The following TRAPPC11 variants were observed in gnomAD, a reference collection of about 807,000 sequenced individuals.
TRAPPC11 encodes the protein foie gras homolog.
A neutral mutation model predicts 151.2 loss-of-function variants in TRAPPC11; 104 were observed. The ratio of observed to expected loss-of-function variants is 0.69; its 90% CI spans 0.59 to 0.81. The LOEUF (loss-of-function observed/expected upper bound fraction) is 0.81. TRAPPC11 is among the 30% of genes least tolerant of loss of function. The pLI is 0.00. For synonymous variants in TRAPPC11, 456 were observed against 472.3 expected (o/e 0.97, Z 0.45); for missense variants, 1,230 against 1,349.6 (o/e 0.91, Z 1.39).
chr4:183,684,009 G>C lies in TRAPPC11; in HGVS notation c.1242G>C (p.Val414=), dbSNP rs1209414783. The change falls in exon 12 of 30, where the codon GTG becomes GTC. Residue 414 remains valine, a synonymous_variant. Coordinates refer to ENST00000334690, the MANE Select transcript of TRAPPC11 (RefSeq NM_021942.6). ...FDLSDPEKEK[V]GILAIQLKER... is the part of the protein sequence containing the mutation. ...TTTCTGATCCTGAAAAAGAAAAGGT[G>C]GGAATTCTTGCCATTCAGCTGAAGG... 1 of 1,614,010 alleles carries C rather than the reference G, an allele frequency of 6.2e-7. No homozygotes were observed. Among genetic ancestry groups the C allele is most frequent in the East Asian group, 2.2e-5 (1 of 44,846 alleles).
chr4:183,666,402 G>T lies in TRAPPC11; in HGVS notation c.350G>T (p.Cys117Phe). The change falls in exon 3 of 30, where the codon TGC becomes TTC. Residue 117 changes from cysteine to phenylalanine, a missense_variant. By Grantham distance (205) the Cys-to-Phe change is radical. Transcript: ENST00000334690. Reference protein sequence around the residue: ...EPQWKEKQSECATRVEIVRQS... With the variant: ...EPQWKEKQSEFATRVEIVRQS... ...CAGTGGAAAGAAAAGCAGTCTGAGTGCGCCACCAGAGTGGAAATAGTCAGG... is the reference window on the plus strand; with the variant it reads ...CAGTGGAAAGAAAAGCAGTCTGAGTTCGCCACCAGAGTGGAAATAGTCAGG... 6.2e-7 allele frequency: 1 copy of T among 1,613,932 alleles called. No individual in the cohort carries two copies. The highest frequency in any genetic ancestry group is 8.5e-7 in the Non-Finnish European group (1 of 1,179,870).
rs6552700 is a variant in TRAPPC11, at chr4:183,704,799, T to C, written c.2964-180T>C. Among the ~76,000 whole-genome samples the C allele has an allele frequency of 0.28, 42,522 of 151,792 alleles. 6,667 individuals carry two copies. Among genetic ancestry groups the C allele is most frequent in the African/African-American group, 0.43 (17,808 of 41,374 alleles). ...CTGCACTCCAGTCTGGGCAACAGAGTGAGACTCTGTCTCAAAAAAATAATA... is the reference window on the plus strand; with the variant it reads ...CTGCACTCCAGTCTGGGCAACAGAGCGAGACTCTGTCTCAAAAAAATAATA... On this transcript the variant is annotated intron_variant, in intron 26 of 29. Coordinates refer to ENST00000334690, the MANE Select transcript of TRAPPC11 (RefSeq NM_021942.6).
chr4:183,704,562 C>T (rs1219582690), intron 26 of TRAPPC11, among the ~76,000 whole-genome samples: 1 of 151,246 alleles, frequency 6.6e-6, no homozygotes, highest in Non-Finnish European at 1.5e-5. Context: ...GCCTGTAATC[C>T]CAGCACTTTG....
At chr4:183,665,336 T>C (rs376188099) in intron 2 of TRAPPC11, among the ~76,000 whole-genome samples, 404 of 152,202 alleles carry the variant, frequency 2.7e-3, no homozygotes, top group Non-Finnish European at 4.6e-3. Context: ...CCTCGTGATC[T>C]GCCCACCTTG....
At chr4:183,673,686 A>G (rs933554878) in intron 5 of TRAPPC11, among the ~76,000 whole-genome samples, 1 of 152,214 alleles carries the variant, frequency 6.6e-6, no homozygotes, top group African/African-American at 2.4e-5. Context: ...AAATGAAATG[A>G]AATGAAATGA....
intron 29 of TRAPPC11, 44 bp from the exon 30 acceptor site, chr4:183,712,551 TTATTA>T (rs766176036): frequency 5.8e-6 from 9 of 1,557,588 alleles, no homozygotes; most frequent in African/African-American, 2.7e-5. Context: ...AGAGCTTTTG[TTATTA>T]TATTATAATT....
At chr4:183,684,916 A>G (rs1475322982) in intron 15 of TRAPPC11, 75 bp downstream of exon 15, 7 of 1,418,002 alleles carry the variant, frequency 4.9e-6, no homozygotes, top group South Asian at 2.5e-5. Context: ...TAAAATTTAA[A>G]GAATAATTTA....
chr4:183,709,643 C>T (rs751938940), intron 29 of TRAPPC11, among the ~76,000 whole-genome samples: 5 of 152,092 alleles, frequency 3.3e-5, no homozygotes, highest in Non-Finnish European at 5.9e-5. Flanking sequence ...GGCGTGGTGG[C>T]AGGCACCTGT....
chr4:183,684,823 C>T lies in TRAPPC11; in HGVS notation c.1549C>T (p.Leu517=), dbSNP rs779726355. 8.1e-6 allele frequency: 13 copies of T among 1,613,414 alleles called. No homozygotes were observed. Among genetic ancestry groups the T allele is most frequent in the Non-Finnish European group, 1.0e-5 (12 of 1,179,618 alleles). The change falls in exon 15 of 30, where the codon CTA becomes TTA. Residue 517 remains leucine, a synonymous_variant. Coordinates refer to ENST00000334690, the MANE Select transcript of TRAPPC11 (RefSeq NM_021942.6). ...AQLKDYITYS[L]ELLGRASTLK... is the part of the protein sequence containing the mutation. ...ATTAAAGGATTACATTACTTACTCC[C>T]TAGAACTCCTTGGTAGAGGTAACCT...
Position 183,680,266 on chromosome 4 carries a change from A to T in TRAPPC11, c.1112A>T (p.Glu371Val). 1 of 1,613,888 alleles carries T rather than the reference A, an allele frequency of 6.2e-7. No homozygotes were observed. The highest frequency in any genetic ancestry group is 8.5e-7 in the Non-Finnish European group (1 of 1,179,946). The change falls in exon 10 of 30, where the codon GAA becomes GTA. Residue 371 changes from glutamate to valine, a missense_variant and splice_region_variant. Coordinates refer to ENST00000334690, the MANE Select transcript of TRAPPC11 (RefSeq NM_021942.6). ...KQLAKTLCNH[E>V]ASVMYPNPDP... ...CTTGCAAAAACCCTCTGTAACCACG[A>T]AGTAAGTTACTCACTCCGTATTATC...
Position 183,675,162 on chromosome 4 carries a change from A to C in TRAPPC11, c.661-2A>C. On this transcript the variant is annotated splice_acceptor_variant, in intron 6 of 29. Coordinates refer to ENST00000334690, the MANE Select transcript of TRAPPC11 (RefSeq NM_021942.6). LOFTEE classifies it high-confidence loss of function. ...AATAGTAATTTTTTTGTCTCTTTTT[A>C]GCTTTTATTTGTTAGGCATCAGTTC... 2 of 1,486,458 alleles carry C rather than the reference A, an allele frequency of 1.3e-6. No homozygotes were observed. Among genetic ancestry groups the C allele is most frequent in the Non-Finnish European group, 1.8e-6 (2 of 1,110,170 alleles). 92.1% of individuals were successfully genotyped at this position (1,486,458 alleles called of 1,614,324 possible).
chr4:183,686,890 T>A, intron 18 of TRAPPC11, 142 bp downstream of exon 18: 3 of 1,025,600 alleles, frequency 2.9e-6, no homozygotes, highest in Non-Finnish European at 4.3e-6. Context: ...TTCAAAAATA[T>A]ATCTCCAGGG....
intron 23 of TRAPPC11, among the ~76,000 whole-genome samples, chr4:183,695,607 T>C (rs1736499588): frequency 6.6e-6 from 1 of 152,188 alleles, no homozygotes; most frequent in Non-Finnish European, 1.5e-5. Context: ...TAGAACATTA[T>C]GATATTTGGT....
intron 26 of TRAPPC11, 34 bp downstream of exon 26, chr4:183,701,842 T>G (rs1369924176): frequency 7.5e-7 from 1 of 1,329,012 alleles, no homozygotes; most frequent in East Asian, 2.3e-5. Flanking sequence ...TTTTCTTCAA[T>G]GTCTCTGTTA....
chr4:183,710,377 C>G (rs1280137659), intron 29 of TRAPPC11, among the ~76,000 whole-genome samples: 1 of 151,860 alleles, frequency 6.6e-6, no homozygotes, highest in Non-Finnish European at 1.5e-5. Context: ...AGCTCTGCCT[C>G]CTGGGTTCAC....
chr4:183,686,437 T>C (rs1561046392), intron 17 of TRAPPC11, among the ~76,000 whole-genome samples, 181 bp from the exon 18 acceptor site: 1 of 152,144 alleles, frequency 6.6e-6, no homozygotes. Flanking sequence ...GTGCTCAGCC[T>C]AAATTTTATT....
intron 28 of TRAPPC11, among the ~76,000 whole-genome samples, chr4:183,708,194 T>G (rs1323506080): frequency 6.6e-6 from 1 of 152,192 alleles, no homozygotes; most frequent in Non-Finnish European, 1.5e-5. Flanking sequence ...CTTGCATATA[T>G]TTTTTACACA....
Position 183,689,977 on chromosome 4 carries a change from C to T in TRAPPC11, c.1894-1339C>T, listed in dbSNP as rs1440387102. Among the ~76,000 whole-genome samples, 5 of 151,938 alleles carry T rather than the reference C, an allele frequency of 3.3e-5. No homozygotes were observed. In the South Asian group the frequency reaches 6.2e-4, roughly 19 times the overall value. On this transcript the variant is annotated intron_variant, in intron 18 of 29. Coordinates refer to ENST00000334690, the MANE Select transcript of TRAPPC11 (RefSeq NM_021942.6). ...CAGCACTTTGGGAGGCCAAGGTGGG[C>T]GGATCACTGGAGGTCAGGAGTTCAA...
intron 3 of TRAPPC11, 176 bp from the exon 4 acceptor site, chr4:183,666,884 A>G: frequency 1.9e-6 from 1 of 519,674 alleles, no homozygotes; most frequent in East Asian, 3.0e-5. Context: ...TACTTTTAGA[A>G]TTTAAATCAT....
Sources: gnomAD v4.1 joint callset for allele counts (sites outside exome capture counted in the v4.1 genomes callset) on GRCh38, gnomAD v4.1.1 for gene constraint, MANE v1.5 for transcripts, NCBI Gene and HGNC (gene_info 2026-07-23, HGNC 2026-07-21) for gene names.